Variants in GLRA3 observed in about 807,000 individuals in gnomAD.
GLRA3 encodes the protein glycine receptor alpha 3.
Under a neutral mutation model 60.4 loss-of-function variants are expected in GLRA3, and 44 were observed. The ratio of observed to expected loss-of-function variants is 0.73; its 90% CI spans 0.57 to 0.94. GLRA3 has a LOEUF of 0.94. GLRA3 is among the 40% of genes least tolerant of loss of function. The pLI is 0.00. For synonymous variants in GLRA3, 223 were observed against 192.9 expected, an observed-to-expected ratio of 1.16 and a Z score of -1.29; for missense variants, 508 against 564.6, an observed-to-expected ratio of 0.90 and a Z score of 1.02.
intron 4 of GLRA3, among the ~76,000 whole-genome samples, chr4:174,716,025 C>A (rs956147959): frequency 3.3e-5 from 5 of 152,102 alleles, no homozygotes; most frequent in Admixed American, 6.6e-5. Flanking sequence ...TCTTTCCTTG[C>A]AAATCACATG....
At chr4:174,790,825 C>CAAAAA (rs751090125) in intron 1 of GLRA3, among the ~76,000 whole-genome samples, 238 of 64,964 alleles carry the variant, frequency 3.7e-3, no homozygotes, top group African/African-American at 5.0e-3. Context: ...CTAAAAAATA[C>CAAAAA]AAAAAAAAAA....
chr4:174,767,789 T>C (rs1738209911), intron 2 of GLRA3, among the ~76,000 whole-genome samples: 1 of 152,110 alleles, frequency 6.6e-6, no homozygotes, highest in South Asian at 2.1e-4. Flanking sequence ...AGAAGTGAGA[T>C]ACTGGGACTC....
intron 1 of GLRA3, among the ~76,000 whole-genome samples, chr4:174,822,702 T>G (rs1384722972): frequency 6.6e-6 from 1 of 152,194 alleles, no homozygotes; most frequent in African/African-American, 2.4e-5. Context: ...TGGCCATAAT[T>G]CCTGATTGGT....
intron 7 of GLRA3, among the ~76,000 whole-genome samples, chr4:174,669,706 G>A (rs1733832806): frequency 6.6e-6 from 1 of 152,056 alleles, no homozygotes; most frequent in Admixed American, 6.6e-5. Flanking sequence ...CTCCCAAGCA[G>A]CTAGGACTAT....
chr4:174,810,958 G>A (rs992968832), intron 1 of GLRA3, among the ~76,000 whole-genome samples: 12 of 152,062 alleles, frequency 7.9e-5, no homozygotes, highest in African/African-American at 2.9e-4. Context: ...TTCCTTCTGG[G>A]AAGGGATAGT....
chr4:174,811,775 A>G (rs1364747877), intron 1 of GLRA3, among the ~76,000 whole-genome samples: 1 of 152,192 alleles, frequency 6.6e-6, no homozygotes, highest in East Asian at 1.9e-4. Flanking sequence ...TAACGGGTGG[A>G]TCATTTGAAA....
rs774652627 is a variant in GLRA3 at position 174,643,736 on chromosome 4, G to A, written c.*50C>T. 1 of 1,581,466 alleles carries A rather than the reference G, an allele frequency of 6.3e-7. No homozygotes were observed. The highest frequency in any genetic ancestry group is 1.2e-5 in the South Asian group (1 of 85,682). The stretch of plus-strand genomic sequence containing the variant: ...CATATACACATACACACCTATGGCA[G>A]AGACACTTTCTTCTGAATTGACCAT... On this transcript the variant is annotated 3_prime_UTR_variant, in exon 10 of 10. Transcript: ENST00000274093.
At chr4:174,750,156 T>A (rs1288611609) in intron 3 of GLRA3, among the ~76,000 whole-genome samples, 1 of 152,078 alleles carries the variant, frequency 6.6e-6, no homozygotes, top group African/African-American at 2.4e-5. Context: ...GATTTTACCA[T>A]TTTTTGTGCA....
At chr4:174,823,171 G>T (rs1740814117) in intron 1 of GLRA3, among the ~76,000 whole-genome samples, 1 of 151,830 alleles carries the variant, frequency 6.6e-6, no homozygotes, top group Non-Finnish European at 1.5e-5. Context: ...TGTCTCTTTT[G>T]GCCATTTCCC....
chr4:174,689,756 T>TAAAAAAAAAAA (rs553306775), intron 5 of GLRA3, among the ~76,000 whole-genome samples: 3 of 39,540 alleles, frequency 7.6e-5, no homozygotes, highest in Admixed American at 4.0e-4. Flanking sequence ...TAAGTCGCAT[T>TAAAAAAAAAAA]AAAAAAAAAA....
chr4:174,737,666 C>T (rs1349973536), intron 3 of GLRA3, among the ~76,000 whole-genome samples: 1 of 152,020 alleles, frequency 6.6e-6, no homozygotes, highest in African/African-American at 2.4e-5. Context: ...TGCCCACCAC[C>T]ATGTCTGGAG....
intron 7 of GLRA3, among the ~76,000 whole-genome samples, chr4:174,669,573 T>TTTTTG (rs1733828034): frequency 6.6e-6 from 1 of 152,078 alleles, no homozygotes; most frequent in Non-Finnish European, 1.5e-5. Flanking sequence ...ACATAAGGGA[T>TTTTTG]TTTTGTTTTG....
At chr4:174,755,385 TA>T (rs952261508) in intron 3 of GLRA3, among the ~76,000 whole-genome samples, 9 of 151,550 alleles carry the variant, frequency 5.9e-5, no homozygotes, top group African/African-American at 2.2e-4. Context: ...AACAAAATAT[TA>T]AAAAAAGAAA....
At chr4:174,761,264 A>AT (rs1440662569) in intron 3 of GLRA3, among the ~76,000 whole-genome samples, 27 of 152,112 alleles carry the variant, frequency 1.8e-4, no homozygotes, top group African/African-American at 6.5e-4. Context: ...AGATAATATC[A>AT]TTTTTTATGC....
chr4:174,770,401 C>T (rs1427503076), intron 2 of GLRA3, among the ~76,000 whole-genome samples: 1 of 152,012 alleles, frequency 6.6e-6, no homozygotes, highest in Non-Finnish European at 1.5e-5. Context: ...TAGAAAATAT[C>T]TGGGGCCATT....
chr4:174,786,813 C>A (rs1160519630), intron 2 of GLRA3, among the ~76,000 whole-genome samples: 1 of 151,924 alleles, frequency 6.6e-6, no homozygotes, highest in East Asian at 1.9e-4. Flanking sequence ...TTCTAATGTT[C>A]AGAGCACAAG....
chr4:174,668,765 C>T (rs980108524), intron 7 of GLRA3, among the ~76,000 whole-genome samples: 7 of 152,108 alleles, frequency 4.6e-5, no homozygotes, highest in Non-Finnish European at 1.5e-5. Context: ...GGTAAATTTC[C>T]AGGGATCCCT....
intron 4 of GLRA3, among the ~76,000 whole-genome samples, chr4:174,719,596 T>C (rs1201517198): frequency 6.6e-6 from 1 of 152,144 alleles, no homozygotes; most frequent in Non-Finnish European, 1.5e-5. Context: ...TTATGAATGA[T>C]TTTCTAAGGG....
intron 1 of GLRA3, among the ~76,000 whole-genome samples, chr4:174,828,267 T>G (rs2111417432): frequency 6.6e-6 from 1 of 152,298 alleles, no homozygotes. Flanking sequence ...CTTATTTTGA[T>G]TCATTTAACT....
Sources: gnomAD v4.1 joint callset for allele counts (sites outside exome capture counted in the v4.1 genomes callset) on GRCh38, gnomAD v4.1.1 for gene constraint, MANE v1.5 for transcripts, NCBI Gene and HGNC (gene_info 2026-07-23, HGNC 2026-07-21) for gene names.